KCTD15: variants seen among roughly 807,000 people sequenced by gnomAD.
KCTD15 encodes the protein BTB/POZ domain-containing protein KCTD15.
KCTD15 carries 11 observed loss-of-function variants against 27.2 expected under a neutral mutation model. That is an observed-to-expected ratio of 0.41 (90% confidence interval 0.25 to 0.67). The LOEUF is 0.67. KCTD15 is among the 30% of genes least tolerant of loss of function. The pLI is 0.35. For missense variants in KCTD15, 350 were observed against 409.3 expected (o/e 0.86, Z 1.25); for synonymous variants, 163 against 176.0 (o/e 0.93, Z 0.58).
intron 4 of KCTD15, among the ~76,000 whole-genome samples, chr19:33,802,373 G>A (rs1427712348): frequency 6.6e-6 from 1 of 152,228 alleles, no homozygotes; most frequent in Non-Finnish European, 1.5e-5. Context: ...ACGGCAGGCT[G>A]CATTGTCACC....
At chr19:33,795,470 G>T (rs981841256), upstream of KCTD15, among the ~76,000 whole-genome samples, 2 of 151,992 alleles carry the variant, frequency 1.3e-5, no homozygotes, top group African/African-American at 4.8e-5. Context: ...CCGCTAGGGG[G>T]CGTCCAGGCC....
At chr19:33,811,722 T>A (rs528596860) in intron 6 of KCTD15, 170 bp downstream of exon 6, 22 of 1,566,268 alleles carry the variant, frequency 1.4e-5, no homozygotes, top group Non-Finnish European at 1.9e-5. Flanking sequence ...CCTCTCATAA[T>A]TAAATGATGG....
intron 5 of KCTD15, among the ~76,000 whole-genome samples, chr19:33,807,719 C>CA (rs1347166814): frequency 6.6e-6 from 1 of 151,524 alleles, no homozygotes; most frequent in Non-Finnish European, 1.5e-5. Context: ...GACTCCGTCT[C>CA]AAAAAAGAGA....
At chr19:33,801,418 GGTCTCTCCCCACTGTC>G in intron 4 of KCTD15, 76 bp downstream of exon 4, 3 of 1,325,968 alleles carry the variant, frequency 2.3e-6, no homozygotes, top group Non-Finnish European at 3.0e-6. Context: ...TAGGGGGTGG[GGTCTCTCCCCACTGTC>G]ACTCCACCCA....
chr19:33,808,064 G>A (rs1220072177), intron 5 of KCTD15, among the ~76,000 whole-genome samples: 2 of 152,262 alleles, frequency 1.3e-5, no homozygotes, highest in Non-Finnish European at 2.9e-5. Flanking sequence ...AGCCCGTCAG[G>A]GCAGGTGACC....
chr19:33,811,176 C>CAG, intron 5 of KCTD15, 71 bp from the exon 6 acceptor site: 1 of 1,004,300 alleles, frequency 1.0e-6, no homozygotes, highest in Non-Finnish European at 1.4e-6. Flanking sequence ...GGCAGGCCGC[C>CAG]TCCCCTCTCC....
At chr19:33,809,667 TC>T (rs1975826219) in intron 5 of KCTD15, among the ~76,000 whole-genome samples, 1 of 152,142 alleles carries the variant, frequency 6.6e-6, no homozygotes, top group Non-Finnish European at 1.5e-5. Flanking sequence ...TCCCAGGAAT[TC>T]CAGACCAGCC....
chr19:33,808,901 G>A (rs528945303), intron 5 of KCTD15, among the ~76,000 whole-genome samples: 15 of 152,154 alleles, frequency 9.9e-5, no homozygotes, highest in Non-Finnish European at 2.2e-4. Context: ...TTGGGAGGCC[G>A]AATGGGGAGG....
At position 33,812,469 on chromosome 19, in the gene KCTD15, C is replaced by G. The variant is rs566821737; in HGVS notation, c.694-321C>G. The G allele has an allele frequency of 1.3e-5, 15 of 1,149,548 alleles. No individual in the cohort carries two copies. In the African/African-American group the frequency reaches 2.4e-4, roughly 18 times the overall value. 71.2% of individuals were successfully genotyped at this position (1,149,548 alleles called of 1,614,324 possible). Reference sequence around the variant, plus strand: ...CTGGAGAGAGGGCATAGGTTACACCCTACAGAATAAAGAAGGGACCCAAAG... The same window carrying G: ...CTGGAGAGAGGGCATAGGTTACACCGTACAGAATAAAGAAGGGACCCAAAG... On this transcript the variant is annotated intron_variant, in intron 6 of 6. Coordinates refer to ENST00000683859, the MANE Select transcript of KCTD15 (RefSeq NM_001129994.2).
intron 5 of KCTD15, among the ~76,000 whole-genome samples, chr19:33,809,119 A>G (rs2145483358): frequency 6.6e-6 from 1 of 152,192 alleles, no homozygotes; most frequent in East Asian, 1.9e-4. Context: ...TCTCTTAAAA[A>G]TACAAAAATG....
At chr19:33,806,779 C>T in intron 4 of KCTD15, 84 bp from the exon 5 acceptor site, 1 of 1,505,762 alleles carries the variant, frequency 6.6e-7, no homozygotes, top group Non-Finnish European at 9.1e-7. Flanking sequence ...CCGTGTGGGC[C>T]CTCAGGAGTG....
chr19:33,804,297 A>G (rs1272022272), intron 4 of KCTD15, among the ~76,000 whole-genome samples: 1 of 152,238 alleles, frequency 6.6e-6, no homozygotes, highest in Non-Finnish European at 1.5e-5. Flanking sequence ...AATAAGGCAG[A>G]TGGAAAACCT....
intron 6 of KCTD15, 158 bp downstream of exon 6, chr19:33,811,710 T>C (rs1336320143): frequency 3.2e-6 from 5 of 1,539,646 alleles, no homozygotes; most frequent in Admixed American, 3.8e-5. Context: ...ATAATTTATG[T>C]CCCTCTCATA....
At chr19:33,811,989 C>T in intron 6 of KCTD15, 1 of 1,477,080 alleles carries the variant, frequency 6.8e-7, no homozygotes, top group Non-Finnish European at 8.9e-7. Context: ...AAGAGAATCC[C>T]TGGACCGGCT....
At chr19:33,802,888 TG>T (rs1161787502) in intron 4 of KCTD15, among the ~76,000 whole-genome samples, 4 of 152,172 alleles carry the variant, frequency 2.6e-5, no homozygotes, top group Non-Finnish European at 5.9e-5. Flanking sequence ...GCCCAGGCCC[TG>T]GGGGAGGCGG....
At chr19:33,798,004 C>T (rs1364146999) in intron 1 of KCTD15, among the ~76,000 whole-genome samples, 1 of 152,178 alleles carries the variant, frequency 6.6e-6, no homozygotes, top group African/African-American at 2.4e-5. Flanking sequence ...GCCACCCCGC[C>T]CCGCGGCGCC....
In KCTD15 at chr19:33,812,831, G is replaced by A. The variant is rs1362698154; in HGVS notation, c.735G>A (p.Ala245=). 1.2e-5 allele frequency: 18 copies of A among 1,522,348 alleles called. No homozygotes were observed. Among genetic ancestry groups the A allele is most frequent in the African/African-American group, 2.8e-5 (2 of 72,186 alleles). 94.3% of individuals were successfully genotyped at this position (1,522,348 alleles called of 1,614,324 possible). A position where few individuals can be genotyped will look rare whatever the true frequency, so the allele number is the denominator to read the frequency against. The change falls in exon 7 of 7, where the codon GCG becomes GCA. Residue 245 remains alanine (A), a synonymous_variant. Coordinates refer to ENST00000683859, the MANE Select transcript of KCTD15 (RefSeq NM_001129994.2). The part of the protein sequence containing the change: ...RLFQRGFSVA[A]SCGGGVDSSQ... ...TCCAGAGGGGTTTCAGCGTGGCTGC[G>A]TCCTGTGGGGGCGGTGTGGACTCCT...
intron 1 of KCTD15, chr19:33,798,377 C>T (rs1975423357): frequency 6.6e-6 from 1 of 152,246 alleles, no homozygotes; most frequent in African/African-American, 2.4e-5. Context: ...CGCAATGGGA[C>T]ACAAAATCAT....
At chr19:33,802,612 G>C (rs941865075) in intron 4 of KCTD15, among the ~76,000 whole-genome samples, 3 of 151,728 alleles carry the variant, frequency 2.0e-5, no homozygotes, top group African/African-American at 7.3e-5. Flanking sequence ...TGTGGCCTTG[G>C]GGCTTGTGGG....
Sources: gnomAD v4.1 joint callset for allele counts (sites outside exome capture counted in the v4.1 genomes callset) on GRCh38, gnomAD v4.1.1 for gene constraint, MANE v1.5 for transcripts, NCBI Gene and HGNC (gene_info 2026-07-23, HGNC 2026-07-21) for gene names.